The following SDK1 variants were observed in gnomAD, a reference collection of about 807,000 sequenced individuals.
The protein encoded by SDK1 is sidekick cell adhesion molecule 1, also known as protein sidekick-1.
Under a neutral mutation model 245.5 loss-of-function variants are expected in SDK1, and 157 were observed. The observed-to-expected ratio is 0.64, with a 90% CI of 0.56 to 0.73. The LOEUF is 0.73. Among genes scored for constraint, SDK1 ranks in the 30% least tolerant of loss-of-function variants. SDK1 has a pLI of 0.00. For missense variants in SDK1, 3,583 were observed against 3,002.3 expected (o/e 1.19, Z -4.52); for synonymous variants, 1,647 against 1,278.5 (o/e 1.29, Z -6.15).
chr7:3,754,962 A>G (rs1779878081), intron 4 of SDK1, among the ~76,000 whole-genome samples: 1 of 152,168 alleles, frequency 6.6e-6, no homozygotes, highest in African/African-American at 2.4e-5. Flanking sequence ...CACTTGGGCG[A>G]TGTTTTATCT....
intron 4 of SDK1, among the ~76,000 whole-genome samples, chr7:3,788,638 T>C (rs1236762063): frequency 1.3e-5 from 2 of 152,174 alleles, no homozygotes; most frequent in Non-Finnish European, 2.9e-5. Flanking sequence ...ACATAAAATA[T>C]ACTAACACTA....
chr7:3,998,587 C>T (rs1485250749), intron 14 of SDK1, among the ~76,000 whole-genome samples: 3 of 152,174 alleles, frequency 2.0e-5, no homozygotes, highest in Non-Finnish European at 4.4e-5. Context: ...GCCCCCTGGA[C>T]AGGTTTCAGA....
chr7:3,851,926 T>C (rs1780428973), intron 5 of SDK1, among the ~76,000 whole-genome samples: 2 of 152,236 alleles, frequency 1.3e-5, no homozygotes, highest in African/African-American at 2.4e-5. Flanking sequence ...GAGAAAAATG[T>C]GTGCTTAATA....
At chr7:3,541,714 G>A (rs971334962) in intron 1 of SDK1, among the ~76,000 whole-genome samples, 1 of 152,118 alleles carries the variant, frequency 6.6e-6, no homozygotes, top group Non-Finnish European at 1.5e-5. Flanking sequence ...CTGACATAGG[G>A]GAGCTTTTCA....
chr7:4,176,248 G>C (rs894269999), intron 34 of SDK1, among the ~76,000 whole-genome samples: 1 of 150,926 alleles, frequency 6.6e-6, no homozygotes, highest in Non-Finnish European at 1.5e-5. Flanking sequence ...CTGCAGCCTT[G>C]AACTCCTGGC....
At chr7:3,893,321 C>T (rs555915737) in intron 5 of SDK1, among the ~76,000 whole-genome samples, 5 of 152,250 alleles carry the variant, frequency 3.3e-5, no homozygotes, top group African/African-American at 9.6e-5. Flanking sequence ...ACTGTCTGCT[C>T]CTGGTCAGGA....
intron 4 of SDK1, among the ~76,000 whole-genome samples, chr7:3,790,396 C>T (rs1005380368): frequency 9.8e-5 from 15 of 152,292 alleles, no homozygotes; most frequent in Middle Eastern, 6.8e-3. Context: ...GAGGAGCCAG[C>T]TGGCAAAGGG....
intron 14 of SDK1, among the ~76,000 whole-genome samples, chr7:3,993,960 C>T (rs2128141906): frequency 6.6e-6 from 1 of 152,360 alleles, no homozygotes; most frequent in South Asian, 2.1e-4. Flanking sequence ...ACACAGACCT[C>T]CTTGTTCCCA....
At chr7:3,486,086 T>C (rs1033519876) in intron 1 of SDK1, among the ~76,000 whole-genome samples, 1 of 152,022 alleles carries the variant, frequency 6.6e-6, no homozygotes, top group African/African-American at 2.4e-5. Context: ...AGTGCTTTTT[T>C]CCCCCCTGAG....
chr7:3,989,429 G>C (rs1434381105), intron 14 of SDK1, among the ~76,000 whole-genome samples: 6 of 152,144 alleles, frequency 3.9e-5, no homozygotes, highest in African/African-American at 1.4e-4. Flanking sequence ...GATTTGGGTG[G>C]GGACACAGGT....
At chr7:3,335,614 T>G (rs918597944) in intron 1 of SDK1, among the ~76,000 whole-genome samples, 2 of 152,152 alleles carry the variant, frequency 1.3e-5, no homozygotes, top group African/African-American at 4.8e-5. Flanking sequence ...AGGGTCTTTG[T>G]GGAGAAAGTA....
At chr7:4,202,944 A>G (rs1370332780) in intron 35 of SDK1, among the ~76,000 whole-genome samples, 2 of 152,122 alleles carry the variant, frequency 1.3e-5, no homozygotes, top group Non-Finnish European at 2.9e-5. Flanking sequence ...CTCTCCACCC[A>G]CCAGCAAATT....
At chr7:4,030,174 G>C (rs1054127178) in intron 17 of SDK1, among the ~76,000 whole-genome samples, 2 of 152,226 alleles carry the variant, frequency 1.3e-5, no homozygotes, top group African/African-American at 4.8e-5. Flanking sequence ...AGCAGAGCCA[G>C]AGGGGCAGTG....
In SDK1 at chr7:4,149,407, G is replaced by C. The variant is rs1314555687; in HGVS notation, c.4569G>C (p.Glu1523Asp). 6.3e-7 allele frequency: 1 copy of C among 1,578,886 alleles called. No individual in the cohort carries two copies. Among genetic ancestry groups the C allele is most frequent in the South Asian group, 1.2e-5 (1 of 85,754 alleles). The change falls in exon 30 of 45, where the codon GAG becomes GAC. Residue 1523 changes from glutamate (E) to aspartate (D), a missense_variant. By Grantham distance (45) the Glu-to-Asp change is conservative (BLOSUM62 2). Transcript: ENST00000404826. ...AGGTGCGAGAGCTGCCTCGGGGTGA[G>C]TGGCAGACCTACTCCTCGTCCATCA... The part of the protein sequence containing the change: ...TMQVRELPRG[E>D]WQTYSSSISH...
Position 4,016,887 on chromosome 7 carries a change from G to A in SDK1, c.2421-284G>A, listed in dbSNP as rs115838067. On this transcript the variant is annotated intron_variant, in intron 16 of 44. Coordinates refer to ENST00000404826, the MANE Select transcript of SDK1 (RefSeq NM_152744.4). ...CTGGAATTTTTCGTCCTAAGTCACT[G>A]TAGTCCCTAGACGAGTTACATGTAA... 3.0e-3 allele frequency among the ~76,000 whole-genome samples: 460 copies of A among 152,322 alleles called. 1 individual carries two copies. The highest frequency in any genetic ancestry group is 0.01 in the African/African-American group (434 of 41,568).
intron 1 of SDK1, among the ~76,000 whole-genome samples, chr7:3,392,012 A>G (rs949730854): frequency 6.7e-6 from 1 of 149,648 alleles, no homozygotes; most frequent in Non-Finnish European, 1.5e-5. Context: ...GCTTAAATGC[A>G]ACAAAGACCA....
At chr7:3,894,048 A>G (rs911659305) in intron 5 of SDK1, among the ~76,000 whole-genome samples, 1 of 152,208 alleles carries the variant, frequency 6.6e-6, no homozygotes, top group African/African-American at 2.4e-5. Context: ...TTTGTAAGCA[A>G]TGTCTCCCGA....
chr7:4,158,610 T>A, intron 31 of SDK1, 59 bp downstream of exon 31: 1 of 1,272,114 alleles, frequency 7.9e-7, no homozygotes, highest in Non-Finnish European at 1.1e-6. Flanking sequence ...CCCGAGATAC[T>A]TAGGCCACAC....
intron 1 of SDK1, among the ~76,000 whole-genome samples, chr7:3,618,813 A>G (rs796175446): frequency 1.9e-4 from 29 of 152,358 alleles, no homozygotes; most frequent in African/African-American, 6.7e-4. Context: ...TCAATAAGCT[A>G]TTAACCATAA....
Sources: allele counts gnomAD v4.1 joint callset (sites outside exome capture counted in the v4.1 genomes callset), GRCh38; gene constraint gnomAD v4.1.1; transcripts MANE v1.5; gene names NCBI Gene and HGNC (gene_info 2026-07-23, HGNC 2026-07-21).